CDH11: variants seen among roughly 807,000 people sequenced by gnomAD.
The protein encoded by CDH11 is cadherin-11.
CDH11 carries 11 observed loss-of-function variants against 67.8 expected under a neutral mutation model. The ratio of observed to expected loss-of-function variants is 0.16; its 90% CI spans 0.10 to 0.27. The LOEUF is 0.27. Among genes scored for constraint, CDH11 ranks in the 10% least tolerant of loss-of-function variants. The pLI is 1.00. For synonymous variants in CDH11, 419 were observed against 400.0 expected (o/e 1.05, Z -0.57); for missense variants, 847 against 1,031.2 (o/e 0.82, Z 2.45).
At chr16:64,973,650 T>C (rs1026400776) in intron 8 of CDH11, among the ~76,000 whole-genome samples, 4 of 151,808 alleles carry the variant, frequency 2.6e-5, no homozygotes, top group African/African-American at 7.3e-5. Context: ...TACTAAAAAA[T>C]ACAAAAACTA....
chr16:64,953,562 GA>G (rs901722628), intron 11 of CDH11, among the ~76,000 whole-genome samples: 89 of 151,766 alleles, frequency 5.9e-4, no homozygotes, highest in Admixed American at 2.0e-3. Context: ...GAAATAGGAT[GA>G]AAAAAATAAA....
intron 2 of CDH11, among the ~76,000 whole-genome samples, chr16:65,028,330 G>A (rs1420266611): frequency 6.6e-6 from 1 of 152,046 alleles, no homozygotes; most frequent in African/African-American, 2.4e-5. Flanking sequence ...TCCTGTCGGG[G>A]CAGAGGAGAG....
At chr16:64,953,024 G>C (rs2071404054) in intron 11 of CDH11, among the ~76,000 whole-genome samples, 1 of 152,054 alleles carries the variant, frequency 6.6e-6, no homozygotes, top group African/African-American at 2.4e-5. Flanking sequence ...TCTCCCATAT[G>C]TGTTAAATGA....
intron 1 of CDH11, among the ~76,000 whole-genome samples, chr16:65,056,581 A>T (rs1181118452): frequency 6.6e-6 from 1 of 152,194 alleles, no homozygotes; most frequent in Non-Finnish European, 1.5e-5. Flanking sequence ...CCAGTGAATT[A>T]TCCTTAAGCA....
intron 1 of CDH11, among the ~76,000 whole-genome samples, chr16:65,101,845 T>C (rs1300945440): frequency 3.3e-5 from 5 of 152,194 alleles, no homozygotes; most frequent in Non-Finnish European, 5.9e-5. Context: ...AACCCTTATA[T>C]CCACAGCCTA....
At chr16:65,090,324 C>T (rs1272652434) in intron 1 of CDH11, among the ~76,000 whole-genome samples, 1 of 152,050 alleles carries the variant, frequency 6.6e-6, no homozygotes, top group Non-Finnish European at 1.5e-5. Context: ...TTACAACTAA[C>T]AATATTGTGT....
intron 2 of CDH11, among the ~76,000 whole-genome samples, chr16:65,042,391 C>T (rs183574779): frequency 1.6e-3 from 237 of 152,212 alleles, no homozygotes; most frequent in Non-Finnish European, 2.0e-3. Flanking sequence ...CAGGAAAGGC[C>T]TCTCAAAAGG....
chr16:65,108,857 T>C (rs898133260), intron 1 of CDH11, among the ~76,000 whole-genome samples: 1 of 152,062 alleles, frequency 6.6e-6, no homozygotes, highest in African/African-American at 2.4e-5. Flanking sequence ...CACATAGAAA[T>C]TGAAATGAGC....
intron 2 of CDH11, among the ~76,000 whole-genome samples, chr16:65,043,641 C>A (rs2073904905): frequency 6.6e-6 from 1 of 152,190 alleles, no homozygotes; most frequent in African/African-American, 2.4e-5. Flanking sequence ...GCTGAGACCA[C>A]CAGATCTTCA....
intron 7 of CDH11, chr16:64,984,927 TTTA>T (rs377213499): frequency 6.6e-6 from 1 of 152,290 alleles, no homozygotes; most frequent in Non-Finnish European, 1.5e-5. Flanking sequence ...TAAAAAGAGT[TTTA>T]TTAAAACAGG....
chr16:65,035,604 C>T (rs752764327), intron 2 of CDH11, among the ~76,000 whole-genome samples: 17 of 152,112 alleles, frequency 1.1e-4, no homozygotes, highest in Admixed American at 8.5e-4. Context: ...CAGGAGTGTG[C>T]GTTCTTAATT....
At chr16:64,948,504 A>T in intron 12 of CDH11, 1 of 960,156 alleles carries the variant, frequency 1.0e-6, no homozygotes, top group Non-Finnish European at 1.6e-6. Context: ...AAATGAGGAC[A>T]TGCAGAGCCC....
At chr16:65,080,640 T>C (rs908781397) in intron 1 of CDH11, among the ~76,000 whole-genome samples, 7 of 152,244 alleles carry the variant, frequency 4.6e-5, no homozygotes, top group African/African-American at 1.7e-4. Context: ...TGGTTAATTG[T>C]ATTGTTAGCT....
intron 11 of CDH11, among the ~76,000 whole-genome samples, chr16:64,957,268 A>G (rs2071540156): frequency 6.6e-6 from 1 of 152,140 alleles, no homozygotes; most frequent in South Asian, 2.1e-4. Flanking sequence ...ATTCTATCTT[A>G]TGAAAAAGGC....
intron 1 of CDH11, among the ~76,000 whole-genome samples, chr16:65,091,552 T>TC (rs2074792491): frequency 6.7e-6 from 1 of 149,480 alleles, no homozygotes; most frequent in African/African-American, 2.5e-5. Context: ...ATTAGGCCTT[T>TC]CCTTTTTTTT....
In CDH11 at chr16:64,948,196, A is replaced by G. The variant is rs1052013705; in HGVS notation, c.1895-97T>C. On this transcript the variant is annotated intron_variant, in intron 12 of 12. Coordinates refer to ENST00000268603, the MANE Select transcript of CDH11 (RefSeq NM_001797.4). ...CTGATTACCATAAACCATGAGGTAT[A>G]AATGCTCAGAACAGGAAACAGTATA... The G allele has an allele frequency of 4.1e-6, 6 of 1,451,106 alleles. No individual in the cohort carries two copies. The African/African-American group carries it at 8.5e-5, about 20-fold the overall frequency. The allele number at this position is 1,451,106 out of a possible 1,614,324, so 89.9% of individuals were successfully genotyped here.
chr16:65,060,354 T>G (rs7359371), intron 1 of CDH11, among the ~76,000 whole-genome samples: 68,462 of 144,784 alleles, frequency 0.47, 16,388 homozygotes, highest in Middle Eastern at 0.6. Flanking sequence ...TATATATATA[T>G]AGAGAGAGAG....
chr16:65,065,030 G>A (rs572875837), intron 1 of CDH11, among the ~76,000 whole-genome samples: 29 of 152,212 alleles, frequency 1.9e-4, no homozygotes, highest in East Asian at 7.7e-4. Context: ...TCTCTGCACC[G>A]CATTTTCATT....
intron 2 of CDH11, among the ~76,000 whole-genome samples, chr16:65,026,496 C>A (rs1157303922): frequency 6.6e-6 from 1 of 152,174 alleles, no homozygotes; most frequent in Non-Finnish European, 1.5e-5. Flanking sequence ...CAGAATTCAG[C>A]TAGCTCTTCT....
Sources: gnomAD v4.1 joint callset for allele counts (sites outside exome capture counted in the v4.1 genomes callset) on GRCh38, gnomAD v4.1.1 for gene constraint, MANE v1.5 for transcripts, NCBI Gene and HGNC (gene_info 2026-07-23, HGNC 2026-07-21) for gene names.